The following DAG1 variants were observed in gnomAD, a reference collection of about 807,000 sequenced individuals.
DAG1 encodes the protein dystroglycan 1 (dystrophin-associated glycoprotein 1).
A neutral mutation model predicts 46.1 loss-of-function variants in DAG1; 8 were observed. The observed-to-expected ratio is 0.17, with a 90% CI of 0.10 to 0.31. DAG1 has a LOEUF of 0.31. Ranked by LOEUF, DAG1 falls within the 10% of genes least tolerant of loss-of-function variation. The pLI is 1.00. For synonymous variants in DAG1, 495 were observed against 481.8 expected (o/e 1.03, Z -0.36); for missense variants, 1,003 against 1,189.9 (o/e 0.84, Z 2.31).
intron 1 of DAG1, among the ~76,000 whole-genome samples, chr3:49,486,534 A>G (rs1465120633): frequency 7.3e-6 from 1 of 137,286 alleles, no homozygotes; most frequent in Non-Finnish European, 1.5e-5. Context: ...CTTTTTTTTG[A>G]GACAGAGTCT....
At chr3:49,530,478 T>C (rs1047148372) in intron 2 of DAG1, among the ~76,000 whole-genome samples, 4 of 152,212 alleles carry the variant, frequency 2.6e-5, no homozygotes, top group African/African-American at 9.7e-5. Context: ...GTCACTGTTA[T>C]AAAATCCACA....
chr3:49,494,590 G>T (rs1477875989), intron 1 of DAG1, among the ~76,000 whole-genome samples: 1 of 151,944 alleles, frequency 6.6e-6, no homozygotes, highest in African/African-American at 2.4e-5. Context: ...ACTTCAAAGT[G>T]TGAAATCAAG....
Position 49,533,160 on chromosome 3 carries a change from G to A in DAG1, c.2649G>A (p.Met883Ile). Reference protein sequence around the residue: ...MEGKGSRPKNMTPYRSPPPYV... With the variant: ...MEGKGSRPKNITPYRSPPPYV... Reference sequence around the variant, plus strand: ...GCAAGGGCTCCCGTCCCAAGAACATGACCCCATACCGGTCACCTCCTCCCT... The same window carrying A: ...GCAAGGGCTCCCGTCCCAAGAACATAACCCCATACCGGTCACCTCCTCCCT... The change falls in exon 3 of 3, where the codon ATG becomes ATA. Residue 883 changes from methionine to isoleucine, a missense_variant. This residue lies in a region of DAG1 where 755 missense variants were observed against 854.1 expected (regional missense o/e 0.88). Coordinates refer to ENST00000308775, the MANE Select transcript of DAG1 (RefSeq NM_004393.6). 2 of 1,613,996 alleles carry A rather than the reference G, an allele frequency of 1.2e-6. No individual in the cohort carries two copies. The highest frequency in any genetic ancestry group is 1.7e-6 in the Non-Finnish European group (2 of 1,180,030).
chr3:49,530,961 T>C lies in DAG1; in HGVS notation c.450T>C (p.Ser150=), dbSNP rs2051325229. 1.2e-6 allele frequency: 2 copies of C among 1,613,984 alleles called. No individual in the cohort carries two copies. The highest frequency in any genetic ancestry group is 1.7e-6 in the Non-Finnish European group (2 of 1,180,020). ...GGAGCCACATCCCCCAGACCTCCAG[T>C]GTGTTCTCCATCGAGGTCTACCCTG... ...ANGSHIPQTS[S]VFSIEVYPED... is the part of the protein sequence containing the mutation. Residue 150 remains serine (S), a synonymous_variant, in exon 3 of 3, where the codon AGT becomes AGC. Coordinates refer to ENST00000308775, the MANE Select transcript of DAG1 (RefSeq NM_004393.6).
intron 1 of DAG1, among the ~76,000 whole-genome samples, chr3:49,508,432 T>C (rs1056090681): frequency 6.6e-6 from 1 of 152,100 alleles, no homozygotes; most frequent in African/African-American, 2.4e-5. Context: ...AGGGTCTTGC[T>C]CTGTCACCCA....
At position 49,525,720 on chromosome 3, in the gene DAG1, C is replaced by T. The variant is rs189458795; in HGVS notation, c.286-5077C>T. Among the ~76,000 whole-genome samples, 409 of 151,070 alleles carry T rather than the reference C, an allele frequency of 2.7e-3. 2 individuals are homozygous for T. The highest frequency in any genetic ancestry group is 9.4e-3 in the African/African-American group (388 of 41,182). On this transcript the variant is annotated intron_variant, in intron 2 of 2. Transcript: ENST00000308775. ...ACTACAGGCGCCCGCCACCTCGCCC[C>T]GCTAATTTTTTTTATTTTTAGTAGA...
intron 1 of DAG1, among the ~76,000 whole-genome samples, chr3:49,501,431 T>C (rs553542040): frequency 1.3e-5 from 2 of 152,184 alleles, no homozygotes; most frequent in African/African-American, 4.8e-5. Context: ...TGGGCACATA[T>C]TAGTGATTGC....
Position 49,470,407 on chromosome 3 carries a change from C to G in DAG1, c.-143C>G, listed in dbSNP as rs2049478816. On this transcript the variant is annotated 5_prime_UTR_variant, in exon 1 of 3. Coordinates refer to ENST00000308775, the MANE Select transcript of DAG1 (RefSeq NM_004393.6). ...TCCTGGGGCCAGGAGGAGCGAACAC[C>G]TGCCGCGGTCCTCCCGCCGGCGCTG... The G allele has an allele frequency of 2.0e-5, 3 of 152,362 alleles. No individual in the cohort carries two copies. The highest frequency in any genetic ancestry group is 2.9e-5 in the Non-Finnish European group (2 of 68,202). 9.4% of individuals were successfully genotyped at this position (152,362 alleles called of 1,614,324 possible). A position where few individuals can be genotyped will look rare whatever the true frequency, so the allele number is the denominator to read the frequency against.
chr3:49,503,769 A>G (rs1357517262), intron 1 of DAG1, among the ~76,000 whole-genome samples: 1 of 151,486 alleles, frequency 6.6e-6, no homozygotes, highest in Non-Finnish European at 1.5e-5. Flanking sequence ...TCGAGGCTGC[A>G]GTGAGCTGTG....
intron 1 of DAG1, among the ~76,000 whole-genome samples, chr3:49,494,637 TA>T (rs1319185467): frequency 2.6e-5 from 4 of 151,638 alleles, no homozygotes; most frequent in South Asian, 2.1e-4. Flanking sequence ...TTATTATTAT[TA>T]TTTTTTTTTT....
At chr3:49,504,090 A>T (rs1559560478) in intron 1 of DAG1, among the ~76,000 whole-genome samples, 1 of 152,196 alleles carries the variant, frequency 6.6e-6, no homozygotes, top group Non-Finnish European at 1.5e-5. Context: ...GAACATTTCC[A>T]TTGCCACAGG....
chr3:49,500,627 G>A (rs2050423660), intron 1 of DAG1, among the ~76,000 whole-genome samples: 1 of 152,174 alleles, frequency 6.6e-6, no homozygotes, highest in African/African-American at 2.4e-5. Flanking sequence ...CATGTTCTTG[G>A]GCTGCCTTGA....
intron 1 of DAG1, among the ~76,000 whole-genome samples, chr3:49,502,178 A>G (rs1331931304): frequency 6.6e-6 from 1 of 152,216 alleles, no homozygotes; most frequent in African/African-American, 2.4e-5. Context: ...CTACACAGAA[A>G]AGAGTTGAAG....
At chr3:49,511,339 C>A (rs988569941) in intron 2 of DAG1, among the ~76,000 whole-genome samples, 1 of 152,104 alleles carries the variant, frequency 6.6e-6, no homozygotes, top group Non-Finnish European at 1.5e-5. Flanking sequence ...ACAATGGAAT[C>A]TGAGGCCCGT....
chr3:49,519,509 C>A (rs1257830691), intron 2 of DAG1, among the ~76,000 whole-genome samples: 1 of 152,158 alleles, frequency 6.6e-6, no homozygotes, highest in African/African-American at 2.4e-5. Flanking sequence ...AGGAGCATTT[C>A]TTTGGATGCT....
At chr3:49,518,672 G>C (rs1298562731) in intron 2 of DAG1, among the ~76,000 whole-genome samples, 1 of 152,204 alleles carries the variant, frequency 6.6e-6, no homozygotes, top group East Asian at 1.9e-4. Context: ...TCTCAGCCTG[G>C]CCAGCACTTG....
At chr3:49,516,243 GC>G (rs141348721) in intron 2 of DAG1, among the ~76,000 whole-genome samples, 2,250 of 152,314 alleles carry the variant, frequency 0.015, 44 homozygotes, top group African/African-American at 0.051. Flanking sequence ...AGTCATGTTT[GC>G]CTTCCATCAC....
chr3:49,498,492 G>C (rs1199234624), intron 1 of DAG1, among the ~76,000 whole-genome samples: 1 of 151,858 alleles, frequency 6.6e-6, no homozygotes, highest in East Asian at 1.9e-4. Flanking sequence ...CCATGATATT[G>C]AGCAGTTTTA....
Position 49,533,424 on chromosome 3 carries a change from C to T in DAG1, c.*225C>T. 1 of 726,316 alleles carries T rather than the reference C, an allele frequency of 1.4e-6. No individual in the cohort carries two copies. Among genetic ancestry groups the T allele is most frequent in the African/African-American group, 1.7e-5 (1 of 57,818 alleles). 45.0% of individuals were successfully genotyped at this position (726,316 alleles called of 1,614,324 possible). The stretch of plus-strand genomic sequence containing the variant: ...TTTTTTATTTTTATTTTTTGCCTAA[C>T]AGCTTTTGGTTTGTTCATAGAGAAT... On this transcript the variant is annotated 3_prime_UTR_variant, in exon 3 of 3. Transcript: ENST00000308775.
Sources: allele counts gnomAD v4.1 joint callset (sites outside exome capture counted in the v4.1 genomes callset), GRCh38; gene constraint gnomAD v4.1.1; regional missense constraint gnomAD v4.1.1; transcripts MANE v1.5; gene names NCBI Gene and HGNC (gene_info 2026-07-23, HGNC 2026-07-21).